Variants in CDH18 observed in about 807,000 individuals in gnomAD.
CDH18 encodes cadherin-18.
CDH18 carries 31 observed loss-of-function variants against 67.9 expected under a neutral mutation model. That is an observed-to-expected ratio of 0.46 (90% CI 0.34 to 0.62). The LOEUF (loss-of-function observed/expected upper bound fraction) is 0.62, where lower values mean the gene tolerates loss of function less well. CDH18 is among the 20% of genes least tolerant of loss of function. The probability of loss-of-function intolerance (pLI) is 0.01; values close to 1 mark genes in which losing one functional copy is unlikely to be tolerated. For synonymous variants in CDH18, 362 were observed against 347.2 expected (o/e 1.04, Z -0.48); for missense variants, 890 against 975.5 (o/e 0.91, Z 1.17).
chr5:20,092,564 T>TA (rs1340186156), intron 2 of CDH18, among the ~76,000 whole-genome samples: 1 of 152,206 alleles, frequency 6.6e-6, no homozygotes, highest in Non-Finnish European at 1.5e-5. Flanking sequence ...TGATTGAAAG[T>TA]AAACTTTTCT....
intron 5 of CDH18, among the ~76,000 whole-genome samples, chr5:19,614,443 T>C (rs1749502795): frequency 1.3e-5 from 2 of 151,724 alleles, no homozygotes; most frequent in South Asian, 4.1e-4. Flanking sequence ...CAAGCACCCT[T>C]ATTAAAAAAA....
chr5:20,029,633 A>G (rs555627956), intron 2 of CDH18, among the ~76,000 whole-genome samples: 4 of 152,354 alleles, frequency 2.6e-5, no homozygotes, highest in African/African-American at 9.6e-5. Flanking sequence ...ATTAATCGCT[A>G]ATTTTTAAAC....
At chr5:20,373,317 G>C (rs1302492570) in intron 1 of CDH18, among the ~76,000 whole-genome samples, 1 of 152,036 alleles carries the variant, frequency 6.6e-6, no homozygotes, top group African/African-American at 2.4e-5. Flanking sequence ...GTCCCTAGAT[G>C]CTTCAGTTTC....
intron 2 of CDH18, among the ~76,000 whole-genome samples, chr5:19,951,614 A>G (rs1039831816): frequency 2.0e-5 from 3 of 152,262 alleles, no homozygotes; most frequent in South Asian, 4.1e-4. Context: ...ACCTTATTTT[A>G]TAGAGTATAG....
chr5:20,414,541 C>T (rs952746581), intron 1 of CDH18, among the ~76,000 whole-genome samples: 3 of 152,112 alleles, frequency 2.0e-5, no homozygotes, highest in African/African-American at 7.2e-5. Context: ...GTGATGGATT[C>T]AATAGTAGCC....
chr5:19,928,606 G>A (rs1793348986), intron 2 of CDH18, among the ~76,000 whole-genome samples: 1 of 152,150 alleles, frequency 6.6e-6, no homozygotes, highest in Non-Finnish European at 1.5e-5. Flanking sequence ...CAATACTCCT[G>A]TGTGAGCTTG....
chr5:20,373,938 A>G (rs140477869), intron 1 of CDH18, among the ~76,000 whole-genome samples: 1 of 152,194 alleles, frequency 6.6e-6, no homozygotes, highest in African/African-American at 2.4e-5. Flanking sequence ...GATAAAGTAC[A>G]TGTATATAAG....
intron 5 of CDH18, among the ~76,000 whole-genome samples, chr5:19,693,228 T>C (rs1762128884): frequency 6.6e-6 from 1 of 152,166 alleles, no homozygotes. Flanking sequence ...AGCATGATAG[T>C]TATCAGAGGC....
At chr5:20,410,485 A>G (rs968656445) in intron 1 of CDH18, among the ~76,000 whole-genome samples, 2 of 151,786 alleles carry the variant, frequency 1.3e-5, no homozygotes, top group African/African-American at 2.4e-5. Flanking sequence ...AAGTACCTCA[A>G]TATAATAATG....
intron 11 of CDH18, among the ~76,000 whole-genome samples, chr5:19,496,705 G>A (rs112566426): frequency 5.5e-4 from 83 of 151,724 alleles, no homozygotes; most frequent in Middle Eastern, 6.8e-3. Context: ...CCAGATACTC[G>A]GGAGGCTGAG....
At chr5:19,960,786 TA>T (rs1291939002) in intron 2 of CDH18, among the ~76,000 whole-genome samples, 1 of 142,346 alleles carries the variant, frequency 7.0e-6, no homozygotes, top group Non-Finnish European at 1.5e-5. Flanking sequence ...CGTGTATATA[TA>T]TGTGTATATA....
chr5:20,419,368 C>A (rs1249120199), intron 1 of CDH18, among the ~76,000 whole-genome samples: 1 of 151,768 alleles, frequency 6.6e-6, no homozygotes, highest in African/African-American at 2.4e-5. Context: ...CATGCTGGCT[C>A]CACGGGTTCT....
chr5:20,479,707 CG>C (rs1269230685), intron 1 of CDH18, among the ~76,000 whole-genome samples: 1 of 151,720 alleles, frequency 6.6e-6, no homozygotes, highest in Non-Finnish European at 1.5e-5. Context: ...GAGAGAGAGA[CG>C]GGGGTAGAAA....
intron 1 of CDH18, among the ~76,000 whole-genome samples, chr5:20,393,301 T>C (rs1215140765): frequency 1.3e-5 from 2 of 151,988 alleles, no homozygotes; most frequent in African/African-American, 4.8e-5. Context: ...GATTTATTTA[T>C]ACACATTTGT....
At chr5:20,050,064 T>C (rs934869289) in intron 2 of CDH18, among the ~76,000 whole-genome samples, 2 of 151,114 alleles carry the variant, frequency 1.3e-5, no homozygotes, top group Non-Finnish European at 3.0e-5. Flanking sequence ...AAATAATGAA[T>C]AAAGTTGGTT....
chr5:19,638,789 G>A (rs1311429874), intron 5 of CDH18, among the ~76,000 whole-genome samples: 4 of 151,790 alleles, frequency 2.6e-5, no homozygotes, highest in Non-Finnish European at 4.4e-5. Context: ...ATAGGATAAG[G>A]AGTTCCATTT....
rs1759606562 is a variant in CDH18, at chr5:19,677,131, G to GA, written c.643+44215dup. Among the ~76,000 whole-genome samples, 4 of 151,904 alleles carry GA rather than the reference G, an allele frequency of 2.6e-5. No homozygotes were observed. In the South Asian group the frequency reaches 8.3e-4, roughly 31 times the overall value. On this transcript the variant is annotated intron_variant, in intron 5 of 12. Transcript: ENST00000382275. Reference sequence around the variant, plus strand: ...CAGATTCTCCAAGGCCAAAATGAAAGAAAAAATGTTAAATGCAGCTATTGG... The same window carrying GA: ...CAGATTCTCCAAGGCCAAAATGAAAGAAAAAAATGTTAAATGCAGCTATTGG...
At chr5:20,096,030 T>C (rs984240926) in intron 2 of CDH18, among the ~76,000 whole-genome samples, 2 of 152,094 alleles carry the variant, frequency 1.3e-5, no homozygotes, top group Admixed American at 6.6e-5. Context: ...AGAGCTTATA[T>C]ATGTTACATT....
intron 2 of CDH18, among the ~76,000 whole-genome samples, chr5:20,181,094 T>C (rs1327060050): frequency 6.6e-6 from 1 of 152,142 alleles, no homozygotes; most frequent in African/African-American, 2.4e-5. Flanking sequence ...GCACACTTCC[T>C]TACACAAATG....
Sources: allele counts gnomAD v4.1 joint callset (sites outside exome capture counted in the v4.1 genomes callset), GRCh38; gene constraint gnomAD v4.1.1; transcripts MANE v1.5; gene names NCBI Gene and HGNC (gene_info 2026-07-23, HGNC 2026-07-21).